TNRC6A: variants seen among roughly 807,000 people sequenced by gnomAD.
TNRC6A encodes the protein trinucleotide repeat-containing gene 6A protein.
In TNRC6A, 44 loss-of-function variants were observed where a neutral mutation model predicts 221.2. The observed-to-expected ratio is 0.20, with a 90% confidence interval of 0.16 to 0.26. The LOEUF (loss-of-function observed/expected upper bound fraction) is 0.26, where lower values mean the gene tolerates loss of function less well. TNRC6A is among the 10% of genes least tolerant of loss of function. TNRC6A has a pLI of 1.00. For missense variants in TNRC6A, 2,199 were observed against 2,404.4 expected, an observed-to-expected ratio of 0.91 and a Z score of 1.79; for synonymous variants, 847 against 838.5, an observed-to-expected ratio of 1.01 and a Z score of -0.18.
chr16:24,702,034 C>T (rs917835194), intron 2 of TNRC6A, among the ~76,000 whole-genome samples: 2 of 151,518 alleles, frequency 1.3e-5, no homozygotes, highest in African/African-American at 4.8e-5. Flanking sequence ...GCCTCCTCTT[C>T]TATATGCAGG....
chr16:24,667,146 A>G (rs569215548), intron 2 of TNRC6A, among the ~76,000 whole-genome samples: 4 of 151,352 alleles, frequency 2.6e-5, no homozygotes, highest in Non-Finnish European at 5.9e-5. Context: ...AAAGAACACC[A>G]CTCTTTACTG....
At chr16:24,636,751 T>C (rs186793388) in intron 1 of TNRC6A, among the ~76,000 whole-genome samples, 53 of 152,356 alleles carry the variant, frequency 3.5e-4, no homozygotes, top group Non-Finnish European at 5.3e-4. Flanking sequence ...TCCTTAATTT[T>C]TAATTACTAA....
chr16:24,822,343 A>G (rs2058782685), intron 23 of TNRC6A, among the ~76,000 whole-genome samples, 196 bp downstream of exon 23: 2 of 152,172 alleles, frequency 1.3e-5, no homozygotes, highest in African/African-American at 4.8e-5. Context: ...CTGGGAACCA[A>G]CCAAGCATAC....
chr16:24,697,151 G>T lies in TNRC6A; in HGVS notation n.403-53575G>T, dbSNP rs143710846. ...TGCTAATTACGCTAATTTGATCATTGCACATTGTATACACATATTGAAATA... is the reference window on the plus strand; with the variant it reads ...TGCTAATTACGCTAATTTGATCATTTCACATTGTATACACATATTGAAATA... On this transcript the variant is annotated intron_variant and non_coding_transcript_variant, in intron 2 of 2. Coordinates refer to the TNRC6A transcript ENST00000566108. Among the ~76,000 whole-genome samples the T allele has an allele frequency of 5.0e-3, 768 of 152,284 alleles. 10 individuals are homozygous for T. Among genetic ancestry groups the T allele is most frequent in the African/African-American group, 0.018 (731 of 41,568 alleles).
chr16:24,720,831 C>T (rs868357112), intron 2 of TNRC6A, among the ~76,000 whole-genome samples: 3 of 149,628 alleles, frequency 2.0e-5, no homozygotes, highest in South Asian at 4.2e-4. Context: ...GTCAGGAGAT[C>T]GAGACCATCC....
intron 5 of TNRC6A, among the ~76,000 whole-genome samples, chr16:24,778,741 T>G (rs538658561): frequency 6.6e-6 from 1 of 152,174 alleles, no homozygotes; most frequent in Non-Finnish European, 1.5e-5. Context: ...ATAACTCTTA[T>G]AGAAGGACCT....
At chr16:24,792,605 A>G (rs1256512272) in intron 6 of TNRC6A, among the ~76,000 whole-genome samples, 1 of 96,672 alleles carries the variant, frequency 1.0e-5, no homozygotes, top group East Asian at 3.3e-4. Flanking sequence ...TTAATGAAAC[A>G]TTTATGGCTT....
chr16:24,717,048 A>G (rs1366680050), intron 2 of TNRC6A, among the ~76,000 whole-genome samples: 1 of 151,892 alleles, frequency 6.6e-6, no homozygotes, highest in Non-Finnish European at 1.5e-5. Flanking sequence ...CTGTCTGTAT[A>G]GATACACAGT....
chr16:24,709,257 CA>C (rs34362957), intron 2 of TNRC6A, among the ~76,000 whole-genome samples: 37,623 of 145,884 alleles, frequency 0.26, 7,693 homozygotes, highest in East Asian at 0.72. Flanking sequence ...AACTCTGTCT[CA>C]AAAAAAAAAA....
At chr16:24,655,569 A>G (rs2054893908) in intron 2 of TNRC6A, among the ~76,000 whole-genome samples, 2 of 151,728 alleles carry the variant, frequency 1.3e-5, no homozygotes, top group African/African-American at 2.4e-5. Context: ...CATGTCTGTA[A>G]TCCCAGCTAC....
chr16:24,677,820 C>T (rs1425338034), intron 2 of TNRC6A, among the ~76,000 whole-genome samples: 3 of 152,136 alleles, frequency 2.0e-5, no homozygotes, highest in Admixed American at 1.3e-4. Flanking sequence ...CGTCTATCAC[C>T]TCTTCCCTTG....
intron 4 of TNRC6A, 166 bp from the exon 5 acceptor site, chr16:24,776,767 C>T (rs2057726889): frequency 1.0e-6 from 1 of 985,396 alleles, no homozygotes; most frequent in Non-Finnish European, 1.2e-6. Context: ...TTGGCAGTGA[C>T]ATCTCCTAAC....
chr16:24,618,890 G>A (rs891482457), intron 1 of TNRC6A, among the ~76,000 whole-genome samples: 9 of 151,888 alleles, frequency 5.9e-5, no homozygotes, highest in Non-Finnish European at 1.3e-4. Flanking sequence ...TCGGCCTCCC[G>A]AAGTGCTAGG....
intron 1 of TNRC6A, among the ~76,000 whole-genome samples, chr16:24,611,318 G>C (rs1900046644): frequency 6.6e-6 from 1 of 152,176 alleles, no homozygotes; most frequent in Non-Finnish European, 1.5e-5. Flanking sequence ...CACTAAGACA[G>C]TGTAGAATGC....
At position 24,790,978 on chromosome 16, in the gene TNRC6A, C is replaced by G. The variant is rs754159452; in HGVS notation, c.2336C>G (p.Ser779Cys). The change falls in exon 6 of 25, where the codon TCT (serine) becomes TGT (cysteine). Residue 779 changes from serine to cysteine, a missense_variant. This residue lies in a region of TNRC6A where 1,405 missense variants were observed against 1,400.2 expected (regional missense o/e 1.00). Transcript: ENST00000395799. ...KTSPNGNDTS[S>C]VSGWGDPKPA... ...AGCCCTAATGGTAATGATACCTCATCTGTATCAGGGTGGGGCGATCCCAAA... is the reference window on the plus strand; with the variant it reads ...AGCCCTAATGGTAATGATACCTCATGTGTATCAGGGTGGGGCGATCCCAAA... 1.7e-5 allele frequency: 28 copies of G among 1,605,898 alleles called. 3 individuals carry two copies. In the South Asian group the frequency reaches 3.1e-4, roughly 18 times the overall value.
At chr16:24,633,971 G>A (rs1476890729) in intron 1 of TNRC6A, among the ~76,000 whole-genome samples, 3 of 151,592 alleles carry the variant, frequency 2.0e-5, no homozygotes, top group African/African-American at 4.8e-5. Context: ...TTAGAGACAT[G>A]GTTTTGCCAT....
chr16:24,717,296 G>C (rs2056331515), intron 2 of TNRC6A, among the ~76,000 whole-genome samples: 2 of 152,082 alleles, frequency 1.3e-5, no homozygotes, highest in Non-Finnish European at 2.9e-5. Flanking sequence ...TAATCAGTAG[G>C]TATAAGAATC....
chr16:24,625,724 C>A lies in TNRC6A; in HGVS notation n.277-15160C>A, dbSNP rs1900936849. Among the ~76,000 whole-genome samples the A allele has an allele frequency of 5.5e-5, 5 of 91,502 alleles. No homozygotes were observed. In the Admixed American group the frequency reaches 7.0e-4, roughly 13 times the overall value. The allele number at this position is 91,502 out of a possible 152,430, so 60.0% of individuals were successfully genotyped here. A position where few individuals can be genotyped will look rare whatever the true frequency, so the allele number is the denominator to read the frequency against. Reference sequence around the variant, plus strand: ...GTCCGGCCTGGGCGACAGAGCGAGACTCCGTCTCAAAACAAAAAAAAAAAA... The same window carrying A: ...GTCCGGCCTGGGCGACAGAGCGAGAATCCGTCTCAAAACAAAAAAAAAAAA... On this transcript the variant is annotated intron_variant and non_coding_transcript_variant, in intron 1 of 2. Coordinates refer to the TNRC6A transcript ENST00000566108.
chr16:24,729,251 C>G (rs940251752), upstream of TNRC6A, among the ~76,000 whole-genome samples: 9 of 151,154 alleles, frequency 6.0e-5, no homozygotes, highest in African/African-American at 2.2e-4. Context: ...AATTCAAAAG[C>G]CGCGCGGGCT....
Sources: gnomAD v4.1 joint callset for allele counts (sites outside exome capture counted in the v4.1 genomes callset) on GRCh38, gnomAD v4.1.1 for gene constraint, gnomAD v4.1.1 regional missense constraint, MANE v1.5 for transcripts, NCBI Gene and HGNC (gene_info 2026-07-23, HGNC 2026-07-21) for gene names.